PCSK5: variants seen among roughly 807,000 people sequenced by gnomAD.
PCSK5 encodes proprotein convertase subtilisin/kexin type 5.
PCSK5 carries 129 observed loss-of-function variants against 233.2 expected under a neutral mutation model. That is an observed-to-expected ratio of 0.55 (90% confidence interval 0.48 to 0.64). PCSK5 has a LOEUF of 0.64. PCSK5 is among the 30% of genes least tolerant of loss of function. The pLI is 0.00. For synonymous variants in PCSK5, 825 were observed against 879.2 expected (o/e 0.94, Z 1.09); for missense variants, 2,076 against 2,430.1 (o/e 0.85, Z 3.06).
chr9:76,342,966 G>A (rs1829875704), intron 35 of PCSK5, among the ~76,000 whole-genome samples: 1 of 151,936 alleles, frequency 6.6e-6, no homozygotes, highest in African/African-American at 2.4e-5. Context: ...GTATTCTAGT[G>A]TCACTGTCTT....
chr9:76,279,444 G>T (rs7866045), intron 24 of PCSK5, among the ~76,000 whole-genome samples: 1 of 150,372 alleles, frequency 6.7e-6, no homozygotes, highest in Non-Finnish European at 1.5e-5. Context: ...GGGATGGCTG[G>T]GTCAAATGGT....
intron 2 of PCSK5, among the ~76,000 whole-genome samples, chr9:75,968,350 C>T (rs528761665): frequency 2.8e-4 from 42 of 152,340 alleles, no homozygotes; most frequent in Middle Eastern, 3.4e-3. Context: ...ATATCGCTCG[C>T]GCGTTAACAG....
rs892934180 is a variant in PCSK5, at chr9:75,905,547, G to T, written c.192+14174G>T. ...AATAACACTGATTATGGTGATTTTT[G>T]TACAACTTTGTAAACATACTAAAAA... On this transcript the variant is annotated intron_variant, in intron 1 of 37. Transcript: ENST00000674117. Among the ~76,000 whole-genome samples, 4 of 152,090 alleles carry T rather than the reference G, an allele frequency of 2.6e-5. No individual in the cohort carries two copies. In the South Asian group the frequency reaches 6.2e-4, roughly 24 times the overall value.
At chr9:76,010,566 C>T (rs1050070963) in intron 3 of PCSK5, among the ~76,000 whole-genome samples, 4 of 152,266 alleles carry the variant, frequency 2.6e-5, no homozygotes, top group African/African-American at 7.2e-5. Flanking sequence ...GACTGAGCAG[C>T]TTTTTGGATC....
intron 37 of PCSK5, among the ~76,000 whole-genome samples, chr9:76,356,616 T>A (rs1830309987): frequency 6.6e-6 from 1 of 152,186 alleles, no homozygotes; most frequent in African/African-American, 2.4e-5. Context: ...TAATGATTAA[T>A]GTAATAATGA....
chr9:75,923,705 A>G (rs889004526), intron 1 of PCSK5, among the ~76,000 whole-genome samples: 9 of 152,154 alleles, frequency 5.9e-5, no homozygotes, highest in African/African-American at 1.9e-4. Context: ...AAACAATGCA[A>G]ATTTATTAAC....
At chr9:75,913,659 G>A (rs1194893473) in intron 1 of PCSK5, among the ~76,000 whole-genome samples, 1 of 152,134 alleles carries the variant, frequency 6.6e-6, no homozygotes, top group African/African-American at 2.4e-5. Flanking sequence ...TTCATCTCAT[G>A]TCTCATTACC....
intron 8 of PCSK5, among the ~76,000 whole-genome samples, chr9:76,100,747 T>A (rs1831720507): frequency 6.6e-6 from 1 of 152,240 alleles, no homozygotes; most frequent in Non-Finnish European, 1.5e-5. Context: ...AGTCTCCTCA[T>A]TTTGAATTTC....
intron 22 of PCSK5, among the ~76,000 whole-genome samples, chr9:76,237,526 G>A (rs1826287172): frequency 6.6e-6 from 1 of 152,038 alleles, no homozygotes; most frequent in South Asian, 2.1e-4. Flanking sequence ...CCAGAACTTT[G>A]GGAGGCCAAG....
intron 7 of PCSK5, among the ~76,000 whole-genome samples, chr9:76,078,084 C>T (rs1013644123): frequency 2.6e-5 from 4 of 152,132 alleles, no homozygotes; most frequent in African/African-American, 9.7e-5. Flanking sequence ...GCATGTATGT[C>T]CTCTATTGAG....
At chr9:76,189,780 C>A in intron 20 of PCSK5, 34 bp downstream of exon 20, 1 of 1,120,368 alleles carries the variant, frequency 8.9e-7, no homozygotes, top group Non-Finnish European at 1.4e-6. Context: ...TCTTATGAAG[C>A]AAAGTATGAT....
At chr9:75,926,340 T>C (rs1015541481) in intron 1 of PCSK5, among the ~76,000 whole-genome samples, 4 of 152,236 alleles carry the variant, frequency 2.6e-5, no homozygotes, top group Non-Finnish European at 4.4e-5. Flanking sequence ...TGATAAATAG[T>C]TAACTGGCCC....
At chr9:76,248,880 G>A (rs558284616) in intron 24 of PCSK5, among the ~76,000 whole-genome samples, 17 of 151,996 alleles carry the variant, frequency 1.1e-4, no homozygotes, top group Non-Finnish European at 2.1e-4. Context: ...GATCCTCCCC[G>A]CTCAGACTCC....
chr9:75,982,265 A>G (rs1826310116), intron 2 of PCSK5, among the ~76,000 whole-genome samples: 1 of 152,176 alleles, frequency 6.6e-6, no homozygotes, highest in East Asian at 1.9e-4. Flanking sequence ...TACAATTTTT[A>G]GTTCTTACTG....
At chr9:76,134,242 G>A in intron 10 of PCSK5, 30 bp downstream of exon 10, 1 of 1,329,198 alleles carries the variant, frequency 7.5e-7, no homozygotes, top group Non-Finnish European at 1.1e-6. Flanking sequence ...TCTGTCACAG[G>A]CAAAATATTT....
At chr9:76,208,826 G>A (rs1825219829) in intron 20 of PCSK5, among the ~76,000 whole-genome samples, 1 of 152,162 alleles carries the variant, frequency 6.6e-6, no homozygotes, top group South Asian at 2.1e-4. Flanking sequence ...TGGATTGATG[G>A]TAACTGTGAT....
chr9:76,169,592 A>T, intron 12 of PCSK5, 112 bp from the exon 13 acceptor site: 1 of 852,448 alleles, frequency 1.2e-6, no homozygotes, highest in Non-Finnish European at 1.9e-6. Flanking sequence ...GACCAGCTCT[A>T]GTGCCCAGCT....
intron 2 of PCSK5, among the ~76,000 whole-genome samples, chr9:75,977,557 CAGGTA>C (rs1826079071): frequency 6.7e-6 from 1 of 148,736 alleles, no homozygotes; most frequent in South Asian, 2.2e-4. Context: ...ACCAGTAAGA[CAGGTA>C]AGGTGGAGGA....
At chr9:76,030,597 C>T (rs1382764558) in intron 5 of PCSK5, among the ~76,000 whole-genome samples, 1 of 152,016 alleles carries the variant, frequency 6.6e-6, no homozygotes, top group African/African-American at 2.4e-5. Flanking sequence ...ATGACTATAA[C>T]CAAAAGAAAG....
Sources: gnomAD v4.1 joint callset for allele counts (sites outside exome capture counted in the v4.1 genomes callset) on GRCh38, gnomAD v4.1.1 for gene constraint, MANE v1.5 for transcripts, NCBI Gene and HGNC (gene_info 2026-07-23, HGNC 2026-07-21) for gene names.